CADM2: variants seen among roughly 807,000 people sequenced by gnomAD.
CADM2 encodes immunoglobulin superfamily member 4D.
CADM2 carries 12 observed loss-of-function variants against 49.8 expected under a neutral mutation model. The ratio of observed to expected loss-of-function variants is 0.24; its 90% CI spans 0.15 to 0.39. CADM2 has a LOEUF of 0.39. CADM2 is among the 10% of genes least tolerant of loss of function. The probability of loss-of-function intolerance (pLI) is 1.00; values close to 1 mark genes in which losing one functional copy is unlikely to be tolerated. For synonymous variants in CADM2, 214 were observed against 175.4 expected (o/e 1.22, Z -1.74); for missense variants, 378 against 492.3 (o/e 0.77, Z 2.20).
intron 1 of CADM2, among the ~76,000 whole-genome samples, chr3:85,681,654 A>C (rs1189292232): frequency 6.6e-6 from 1 of 152,150 alleles, no homozygotes; most frequent in African/African-American, 2.4e-5. Flanking sequence ...TGAAATTAAC[A>C]CTAGTGGAGT....
At chr3:85,077,230 G>T (rs1032211495) in intron 1 of CADM2, among the ~76,000 whole-genome samples, 1 of 152,120 alleles carries the variant, frequency 6.6e-6, no homozygotes, top group African/African-American at 2.4e-5. Flanking sequence ...GTGAATACTA[G>T]TTGAGGTTTG....
At chr3:85,403,613 C>T (rs763394797) in intron 1 of CADM2, among the ~76,000 whole-genome samples, 1 of 152,078 alleles carries the variant, frequency 6.6e-6, no homozygotes, top group Non-Finnish European at 1.5e-5. Context: ...ACCACCACAG[C>T]AAATGTGCTC....
intron 1 of CADM2, among the ~76,000 whole-genome samples, chr3:85,510,318 T>C (rs1037052798): frequency 6.6e-6 from 1 of 152,008 alleles, no homozygotes; most frequent in African/African-American, 2.4e-5. Flanking sequence ...ACAAGAAAAC[T>C]GCAACTGACG....
At chr3:85,147,703 A>T (rs1326405497) in intron 1 of CADM2, among the ~76,000 whole-genome samples, 1 of 152,176 alleles carries the variant, frequency 6.6e-6, no homozygotes, top group Non-Finnish European at 1.5e-5. Context: ...TAAAGAATTA[A>T]TATCTATCTA....
chr3:85,209,468 AT>A (rs2041725362), intron 1 of CADM2, among the ~76,000 whole-genome samples: 2 of 152,166 alleles, frequency 1.3e-5, no homozygotes, highest in African/African-American at 2.4e-5. Context: ...TTTTCCATTT[AT>A]GTACTTAAAT....
intron 2 of CADM2, among the ~76,000 whole-genome samples, chr3:85,740,179 AATTTGGT>A (rs1157447549): frequency 6.6e-6 from 1 of 152,158 alleles, no homozygotes. Flanking sequence ...TTTTCTAAGG[AATTTGGT>A]AAACAAGTCT....
intron 1 of CADM2, among the ~76,000 whole-genome samples, chr3:85,194,983 C>T (rs142099385): frequency 5.5e-4 from 84 of 152,102 alleles, no homozygotes; most frequent in Middle Eastern, 3.4e-3. Context: ...GCTAAGACTA[C>T]AGGTGCATGC....
At chr3:85,328,467 T>C (rs2044816577) in intron 1 of CADM2, among the ~76,000 whole-genome samples, 1 of 152,212 alleles carries the variant, frequency 6.6e-6, no homozygotes, top group Admixed American at 6.5e-5. Context: ...TGATGCTAAT[T>C]GGAATGCTCT....
intron 1 of CADM2, among the ~76,000 whole-genome samples, chr3:85,453,842 G>T (rs563072559): frequency 6.6e-6 from 1 of 152,208 alleles, no homozygotes; most frequent in African/African-American, 2.4e-5. Context: ...TGCATAGATT[G>T]AGCAGTCTGA....
intron 1 of CADM2, among the ~76,000 whole-genome samples, chr3:85,317,057 A>ATT (rs2044482210): frequency 6.6e-6 from 1 of 152,008 alleles, no homozygotes; most frequent in African/African-American, 2.4e-5. Flanking sequence ...TACCATGGAG[A>ATT]TGTGGCAAGA....
Position 85,126,441 on chromosome 3 carries a change from T to G in CADM2, c.61+166773T>G, listed in dbSNP as rs114950936. Among the ~76,000 whole-genome samples the G allele has an allele frequency of 4.7e-3, 717 of 152,158 alleles. 6 individuals are homozygous for G. Among genetic ancestry groups the G allele is most frequent in the African/African-American group, 0.017 (695 of 41,516 alleles). On this transcript the variant is annotated intron_variant, in intron 1 of 9. Transcript: ENST00000383699. Reference sequence around the variant, plus strand: ...TGTTGTGGGGAAAAAAATCAGAAGTTAGGGAGTTCGGCAGTTCACATTTAA... The same window carrying G: ...TGTTGTGGGGAAAAAAATCAGAAGTGAGGGAGTTCGGCAGTTCACATTTAA...
chr3:85,200,662 G>A (rs1175086952), intron 1 of CADM2, among the ~76,000 whole-genome samples: 1 of 152,112 alleles, frequency 6.6e-6, no homozygotes, highest in East Asian at 1.9e-4. Flanking sequence ...GGCAAAGTAA[G>A]TGGTATTCTA....
At chr3:85,160,076 G>C (rs2040269324) in intron 1 of CADM2, among the ~76,000 whole-genome samples, 1 of 152,094 alleles carries the variant, frequency 6.6e-6, no homozygotes, top group South Asian at 2.1e-4. Context: ...AAAGGGGAGA[G>C]GGTTGGTAGC....
At chr3:85,661,220 G>A (rs897268198) in intron 1 of CADM2, among the ~76,000 whole-genome samples, 6 of 152,042 alleles carry the variant, frequency 3.9e-5, no homozygotes, top group Non-Finnish European at 8.8e-5. Flanking sequence ...GTATTTTGGA[G>A]GTATCCTGAG....
chr3:85,705,080 A>C (rs2066900623), intron 1 of CADM2, among the ~76,000 whole-genome samples: 1 of 140,640 alleles, frequency 7.1e-6, no homozygotes, highest in African/African-American at 2.7e-5. Context: ...GTTAGCCTGG[A>C]TGGTCTCGAT....
At chr3:85,348,289 AT>A (rs890540404) in intron 1 of CADM2, among the ~76,000 whole-genome samples, 2 of 152,164 alleles carry the variant, frequency 1.3e-5, no homozygotes, top group African/African-American at 4.8e-5. Context: ...CTGTCAAATG[AT>A]TAGATGAGGC....
At chr3:85,127,160 A>T (rs1382477935) in intron 1 of CADM2, among the ~76,000 whole-genome samples, 1 of 152,126 alleles carries the variant, frequency 6.6e-6, no homozygotes, top group Non-Finnish European at 1.5e-5. Flanking sequence ...TCAATTTTTT[A>T]AAGGGTGATT....
intron 1 of CADM2, among the ~76,000 whole-genome samples, chr3:85,019,482 GA>G (rs1242259324): frequency 6.6e-6 from 1 of 152,062 alleles, no homozygotes; most frequent in African/African-American, 2.4e-5. Flanking sequence ...GATCCTGTAT[GA>G]AAAAACAAAG....
chr3:85,319,144 GATA>G (rs2107092573), intron 1 of CADM2, among the ~76,000 whole-genome samples: 1 of 152,258 alleles, frequency 6.6e-6, no homozygotes, highest in Non-Finnish European at 1.5e-5. Flanking sequence ...TAGAAGTTCT[GATA>G]ATAAATCAAT....
Sources: allele counts gnomAD v4.1 joint callset (sites outside exome capture counted in the v4.1 genomes callset), GRCh38; gene constraint gnomAD v4.1.1; transcripts MANE v1.5; gene names NCBI Gene and HGNC (gene_info 2026-07-23, HGNC 2026-07-21).